The following PCYT1A variants were observed in gnomAD, a reference collection of about 807,000 sequenced individuals.
PCYT1A encodes the protein choline-phosphate cytidylyltransferase A.
Under a neutral mutation model 43.7 loss-of-function variants are expected in PCYT1A, and 25 were observed. The observed-to-expected ratio is 0.57, with a 90% confidence interval of 0.42 to 0.80. PCYT1A has a LOEUF of 0.80. PCYT1A is among the 30% of genes least tolerant of loss of function. The probability of loss-of-function intolerance (pLI) is 0.00; values close to 1 mark genes in which losing one functional copy is unlikely to be tolerated. For synonymous variants in PCYT1A, 172 were observed against 170.7 expected, an observed-to-expected ratio of 1.01 and a Z score of -0.06; for missense variants, 421 against 474.2, an observed-to-expected ratio of 0.89 and a Z score of 1.04.
chr3:196,239,724 G>A lies in PCYT1A; in HGVS notation c.720C>T (p.Tyr240=). The A allele has an allele frequency of 6.3e-7, 1 of 1,599,152 alleles. No individual in the cohort carries two copies. Among genetic ancestry groups the A allele is most frequent in the Non-Finnish European group, 8.6e-7 (1 of 1,166,778 alleles). ...LNVSFINEKK[Y]HLQERVDKVK... is the part of the protein sequence containing the mutation. ...CTTTGTCAACCCTCTCCTGCAAGTGGTATTTCTTCTCCTAGATAAAGAAAT... is the reference window on the plus strand; with the variant it reads ...CTTTGTCAACCCTCTCCTGCAAGTGATATTTCTTCTCCTAGATAAAGAAAT... Residue 240 remains tyrosine, a synonymous_variant, in exon 8 of 9, where the codon TAC becomes TAT. Coordinates refer to ENST00000431016, the MANE Select transcript of PCYT1A (RefSeq NM_001312673.2).
chr3:196,248,826 G>A (rs1239242743), intron 3 of PCYT1A, among the ~76,000 whole-genome samples: 1 of 150,892 alleles, frequency 6.6e-6, no homozygotes, highest in Non-Finnish European at 1.5e-5. Flanking sequence ...GCACGATCTC[G>A]GCTCACTACA....
At chr3:196,267,777 T>C (rs1335818522) in intron 2 of PCYT1A, among the ~76,000 whole-genome samples, 2 of 152,038 alleles carry the variant, frequency 1.3e-5, no homozygotes, top group Non-Finnish European at 2.9e-5. Flanking sequence ...ACTCTGTGAA[T>C]AAACTGAAAA....
At position 196,237,222 on chromosome 3, in the gene PCYT1A, C is replaced by G. The variant is rs1440518980; in HGVS notation, c.*1466G>C. 2.6e-5 allele frequency: 4 copies of G among 152,262 alleles called. No individual in the cohort carries two copies. Among genetic ancestry groups the G allele is most frequent in the African/African-American group, 4.8e-5 (2 of 41,462 alleles). The allele number at this position is 152,262 out of a possible 1,614,324, so 9.4% of individuals were successfully genotyped here. A position where few individuals can be genotyped will look rare whatever the true frequency, so the allele number is the denominator to read the frequency against. ...GGACATAAGCAATTTTCCCCTGGAT[C>G]TAGCCACAGGATTACTGATGGGTGA... is the stretch of plus-strand genomic sequence containing the variant. On this transcript the variant is annotated 3_prime_UTR_variant, in exon 9 of 9. Coordinates refer to ENST00000431016, the MANE Select transcript of PCYT1A (RefSeq NM_001312673.2).
At chr3:196,255,397 A>G (rs1351148435) in intron 3 of PCYT1A, among the ~76,000 whole-genome samples, 6 of 152,202 alleles carry the variant, frequency 3.9e-5, no homozygotes, top group Non-Finnish European at 7.3e-5. Context: ...CTTGGTTACT[A>G]TGGACCTTAA....
rs1027654316 is a variant in PCYT1A, at chr3:196,239,544, TACCA to T, written c.896_897+2del. On this transcript the variant is annotated splice_donor_variant and coding_sequence_variant, in exon 8 of 9. Coordinates refer to ENST00000431016, the MANE Select transcript of PCYT1A (RefSeq NM_001312673.2). LOFTEE classifies it high-confidence loss of function. ...CTACATTGTCCAGTGGGAAAGAACA[TACCA>T]GTGCTCCTTCCGGACCAAACATTTC... The T allele has an allele frequency of 1.9e-6, 3 of 1,588,656 alleles. No homozygotes were observed. The African/African-American group carries it at 4.0e-5, about 21-fold the overall frequency.
At chr3:196,259,576 G>T (rs543304678) in intron 2 of PCYT1A, among the ~76,000 whole-genome samples, 3 of 152,078 alleles carry the variant, frequency 2.0e-5, no homozygotes, top group Non-Finnish European at 4.4e-5. Flanking sequence ...AGGTGCAGTA[G>T]CTCATGCCTG....
At chr3:196,276,179 T>G (rs1208036636) in intron 1 of PCYT1A, among the ~76,000 whole-genome samples, 1 of 152,170 alleles carries the variant, frequency 6.6e-6, no homozygotes, top group Non-Finnish European at 1.5e-5. Context: ...TTTAAATGTT[T>G]TCACCACAAA....
intron 2 of PCYT1A, among the ~76,000 whole-genome samples, chr3:196,264,465 A>C (rs1560172545): frequency 6.6e-6 from 1 of 152,192 alleles, no homozygotes; most frequent in Non-Finnish European, 1.5e-5. Flanking sequence ...GCCCTACTTC[A>C]TGATTCTGAA....
intron 5 of PCYT1A, among the ~76,000 whole-genome samples, chr3:196,244,658 A>G (rs1000968097): frequency 3.3e-5 from 5 of 152,216 alleles, no homozygotes; most frequent in African/African-American, 9.7e-5. Flanking sequence ...AAAAGGGGGA[A>G]ATGTGGGGAA....
intron 7 of PCYT1A, among the ~76,000 whole-genome samples, chr3:196,240,244 G>T (rs1297248318): frequency 6.6e-6 from 1 of 152,070 alleles, no homozygotes; most frequent in Non-Finnish European, 1.5e-5. Context: ...AATGAATTGT[G>T]TTTTTTGCTT....
intron 2 of PCYT1A, among the ~76,000 whole-genome samples, chr3:196,261,926 G>A (rs954821682): frequency 5.3e-5 from 8 of 152,190 alleles, no homozygotes; most frequent in East Asian, 1.9e-4. Context: ...GGCTGAATCC[G>A]TTTCTCCTAA....
rs1020550719 is a variant in PCYT1A at position 196,277,389 on chromosome 3, C to T, written c.-10-6848G>A. On this transcript the variant is annotated intron_variant, in intron 1 of 8. Transcript: ENST00000431016. This position sits in a 1 kb window ranked among gnomAD's most constrained non-coding sequence, Gnocchi z 4.1. ...TTTAAACTGAAGTCTTTAGATCCTTCGGATTTAAAATAAAACACACCCACT... is the reference window on the plus strand; with the variant it reads ...TTTAAACTGAAGTCTTTAGATCCTTTGGATTTAAAATAAAACACACCCACT... Among the ~76,000 whole-genome samples the T allele has an allele frequency of 2.0e-5, 3 of 152,092 alleles. No individual in the cohort carries two copies. Among genetic ancestry groups the T allele is most frequent in the Non-Finnish European group, 2.9e-5 (2 of 68,010 alleles).
chr3:196,262,401 A>G (rs1336741329), intron 2 of PCYT1A, among the ~76,000 whole-genome samples: 5 of 152,246 alleles, frequency 3.3e-5, no homozygotes, highest in African/African-American at 1.2e-4. Flanking sequence ...ATGTTTCACA[A>G]AAGTAGGCAC....
chr3:196,247,216 A>G lies in PCYT1A; in HGVS notation c.486+151T>C, dbSNP rs1724596054. 2.6e-6 allele frequency: 2 copies of G among 780,112 alleles called. No individual in the cohort carries two copies. The highest frequency in any genetic ancestry group is 3.4e-5 in the African/African-American group (2 of 58,176). The allele number at this position is 780,112 out of a possible 1,614,324, so 48.3% of individuals were successfully genotyped here. A position where few individuals can be genotyped will look rare whatever the true frequency, so the allele number is the denominator to read the frequency against. Reference sequence around the variant, plus strand: ...CATATAAACGTCAGGGGTGACTGTTATCACTAGTAATATCACTGTCATCTC... The same window carrying G: ...CATATAAACGTCAGGGGTGACTGTTGTCACTAGTAATATCACTGTCATCTC... On this transcript the variant is annotated intron_variant, in intron 5 of 8. Transcript: ENST00000431016. The surrounding 1 kb of genome is among the most constrained non-coding windows in gnomAD (Gnocchi z 4.8).
At position 196,268,509 on chromosome 3, in the gene PCYT1A, C is replaced by T. The variant is rs148270985; in HGVS notation, c.117+1906G>A. On this transcript the variant is annotated intron_variant, in intron 2 of 8. Coordinates refer to ENST00000431016, the MANE Select transcript of PCYT1A (RefSeq NM_001312673.2). This position sits in a 1 kb window ranked among gnomAD's most constrained non-coding sequence, Gnocchi z 4.4. ...GGCAAAAGAGACTCTGCAGGCCAGG[C>T]ACAGTGGCTCACGCCTGGTAATCCT... is the stretch of plus-strand genomic sequence containing the variant. 6.6e-6 allele frequency among the ~76,000 whole-genome samples: 1 copy of T among 152,268 alleles called. No homozygotes were observed. The highest frequency in any genetic ancestry group is 1.5e-5 in the Non-Finnish European group (1 of 68,022).
intron 8 of PCYT1A, among the ~76,000 whole-genome samples, 155 bp from the exon 9 acceptor site, chr3:196,239,049 A>G (rs1258745304): frequency 6.6e-6 from 1 of 152,140 alleles, no homozygotes; most frequent in Non-Finnish European, 1.5e-5. Context: ...TTCCTCAATA[A>G]TCTAGTCTAG....
chr3:196,239,853 G>A, intron 7 of PCYT1A, 118 bp from the exon 8 acceptor site: 3 of 706,424 alleles, frequency 4.2e-6, no homozygotes, highest in Non-Finnish European at 7.4e-6. Flanking sequence ...CTAGAATTTT[G>A]CTTTGCTTTA....
Position 196,257,802 on chromosome 3 carries a change from C to T in PCYT1A, c.203G>A (p.Ser68Asn). Residue 68 changes from serine (S) to asparagine (N), a missense_variant, in exon 3 of 9, where the codon AGC (serine) becomes AAC (asparagine). This residue lies in a region of PCYT1A where 139 missense variants were observed against 117.7 expected (regional missense o/e 1.18). Coordinates refer to ENST00000431016, the MANE Select transcript of PCYT1A (RefSeq NM_001312673.2). ...PYVRVTMEEA[S>N]RGTPCERPVR... ...TATTTACTTACAAGGAGTTCCTCTG[C>T]TGGCTTCTTCCATAGTTACCCTGAC... 1 of 1,599,314 alleles carries T rather than the reference C, an allele frequency of 6.3e-7. No individual in the cohort carries two copies. Among genetic ancestry groups the T allele is most frequent in the Non-Finnish European group, 8.6e-7 (1 of 1,166,738 alleles).
At chr3:196,254,449 C>CG (rs1724895976) in intron 3 of PCYT1A, among the ~76,000 whole-genome samples, 1 of 152,106 alleles carries the variant, frequency 6.6e-6, no homozygotes, top group Non-Finnish European at 1.5e-5. Flanking sequence ...CTCCTGGGCT[C>CG]AAACAATCCT....
Sources: gnomAD v4.1 joint callset for allele counts (sites outside exome capture counted in the v4.1 genomes callset) on GRCh38, gnomAD v4.1.1 for gene constraint, gnomAD v4.1.1 regional missense constraint, Gnocchi (gnomAD v3.1) non-coding constraint, MANE v1.5 for transcripts, NCBI Gene and HGNC (gene_info 2026-07-23, HGNC 2026-07-21) for gene names.